Variants in FAM107B observed in about 807,000 individuals in gnomAD.
FAM107B encodes protein FAM107B.
Under a neutral mutation model 31.5 loss-of-function variants are expected in FAM107B, and 21 were observed. The ratio of observed to expected loss-of-function variants is 0.67; its 90% CI spans 0.47 to 0.96. FAM107B has a LOEUF of 0.96. FAM107B is among the 40% of genes least tolerant of loss of function. The probability of loss-of-function intolerance (pLI) is 0.00; values close to 1 mark genes in which losing one functional copy is unlikely to be tolerated. For synonymous variants in FAM107B, 157 were observed against 141.5 expected, an observed-to-expected ratio of 1.11 and a Z score of -0.78; for missense variants, 452 against 377.1, an observed-to-expected ratio of 1.20 and a Z score of -1.64.
chr10:14,648,064 C>CA (rs199512621), intron 2 of FAM107B, among the ~76,000 whole-genome samples: 68 of 144,316 alleles, frequency 4.7e-4, no homozygotes, highest in Admixed American at 6.2e-4. Flanking sequence ...AAAGACGTGC[C>CA]AAAAAAAAAA....
intron 2 of FAM107B, among the ~76,000 whole-genome samples, chr10:14,607,488 C>T (rs1852624292): frequency 6.6e-6 from 1 of 152,130 alleles, no homozygotes; most frequent in Non-Finnish European, 1.5e-5. Flanking sequence ...CATTTGTATC[C>T]ATACCATCCA....
rs1360831742 is a variant in FAM107B at position 14,526,812 on chromosome 10, ATCTC to A, written c.653+3516_653+3519del. ...GTAATCTTTGTAGAGCACAGAATCTATCTCTCTAAATAATATCAGAAATATTAAT... is the reference window on the plus strand; with the variant it reads ...GTAATCTTTGTAGAGCACAGAATCTATCTAAATAATATCAGAAATATTAAT... On this transcript the variant is annotated intron_variant, in intron 3 of 4. Coordinates refer to ENST00000181796, the MANE Select transcript of FAM107B (RefSeq NM_031453.4). 3.9e-5 allele frequency among the ~76,000 whole-genome samples: 6 copies of A among 152,022 alleles called. No individual in the cohort carries two copies. In the East Asian group the frequency reaches 1.2e-3, roughly 29 times the overall value.
intron 2 of FAM107B, among the ~76,000 whole-genome samples, chr10:14,550,682 T>C (rs921412021): frequency 1.3e-5 from 2 of 152,224 alleles, no homozygotes; most frequent in Non-Finnish European, 2.9e-5. Flanking sequence ...ATTTCTTTTG[T>C]TGTAACAGGA....
chr10:14,575,229 C>T (rs540979531), intron 2 of FAM107B, among the ~76,000 whole-genome samples: 29 of 150,544 alleles, frequency 1.9e-4, no homozygotes, highest in African/African-American at 6.8e-4. Context: ...TTTGAGATGG[C>T]GTCTCGCTCT....
chr10:14,633,714 A>G (rs1853425238), intron 2 of FAM107B, among the ~76,000 whole-genome samples: 1 of 152,122 alleles, frequency 6.6e-6, no homozygotes, highest in African/African-American at 2.4e-5. Context: ...TCCCTTATTA[A>G]CCCCCAAATC....
At chr10:14,561,107 T>C (rs993112939) in intron 2 of FAM107B, among the ~76,000 whole-genome samples, 3 of 152,226 alleles carry the variant, frequency 2.0e-5, no homozygotes, top group Admixed American at 2.0e-4. Flanking sequence ...CCATCTTGTG[T>C]AGAGTCACCC....
chr10:14,760,010 C>T (rs1160250465), intron 1 of FAM107B, among the ~76,000 whole-genome samples: 1 of 152,170 alleles, frequency 6.6e-6, no homozygotes, highest in African/African-American at 2.4e-5. Context: ...CCGTGCCTAG[C>T]CAAGCCTTCA....
intron 1 of FAM107B, chr10:14,723,267 T>A (rs772070196): frequency 1.3e-4 from 69 of 535,724 alleles, no homozygotes; most frequent in Non-Finnish European, 2.4e-4. Context: ...CAGTCTTCAG[T>A]AGGGAACTGC....
intron 1 of FAM107B, among the ~76,000 whole-genome samples, chr10:14,680,825 T>C (rs11259267): frequency 0.14 from 21,403 of 152,170 alleles, 1,841 homozygotes; most frequent in South Asian, 0.29. Context: ...CAAGACTTCA[T>C]TGGAGCCCAG....
In FAM107B at chr10:14,521,264, C is replaced by T. The variant is rs777027306; in HGVS notation, c.847G>A (p.Ala283Thr). 6.2e-7 allele frequency: 1 copy of T among 1,614,126 alleles called. No homozygotes were observed. Among genetic ancestry groups the T allele is most frequent in the Non-Finnish European group, 8.5e-7 (1 of 1,180,004 alleles). Residue 283 changes from alanine (A) to threonine (T), a missense_variant, in exon 5 of 5, where the codon GCC becomes ACC. Physicochemically the swap from Ala to Thr is moderately conservative, Grantham distance 58. Transcript: ENST00000181796. ...CCTTTCACCTTCACAAACTCGGGGG[C>T]ATTTTCTTGCTCTTCTTGCAATTTC... ...KQKLQEEQENAPEFVKVKGNL... is the reference protein window; with the variant it reads ...KQKLQEEQENTPEFVKVKGNL...
At chr10:14,574,794 A>G (rs2131284722) in intron 2 of FAM107B, among the ~76,000 whole-genome samples, 1 of 152,272 alleles carries the variant, frequency 6.6e-6, no homozygotes, top group South Asian at 2.1e-4. Context: ...CCCCAACACA[A>G]GTCATATATG....
At chr10:14,669,130 G>A (rs1438556387) in intron 1 of FAM107B, among the ~76,000 whole-genome samples, 1 of 152,114 alleles carries the variant, frequency 6.6e-6, no homozygotes, top group Admixed American at 6.5e-5. Context: ...CACTTTGGGA[G>A]GCCGAGGCGG....
chr10:14,674,014 G>A (rs1422113249), intron 1 of FAM107B, among the ~76,000 whole-genome samples: 12 of 151,404 alleles, frequency 7.9e-5, no homozygotes, highest in South Asian at 4.1e-4. Flanking sequence ...AGTTATTTGC[G>A]TTCCAAGTAT....
At chr10:14,527,169 T>C (rs926455688) in intron 3 of FAM107B, among the ~76,000 whole-genome samples, 1 of 149,752 alleles carries the variant, frequency 6.7e-6, no homozygotes, top group Non-Finnish European at 1.5e-5. Flanking sequence ...ATCCCTTCAA[T>C]AGTAATCTTT....
chr10:14,744,295 C>T (rs1564284290), intron 1 of FAM107B, among the ~76,000 whole-genome samples: 1 of 152,140 alleles, frequency 6.6e-6, no homozygotes, highest in Non-Finnish European at 1.5e-5. Context: ...CATCTGCAAA[C>T]AGAGACAGTT....
At chr10:14,674,411 T>A (rs1299075879) in intron 1 of FAM107B, among the ~76,000 whole-genome samples, 1 of 152,176 alleles carries the variant, frequency 6.6e-6, no homozygotes, top group Non-Finnish European at 1.5e-5. Context: ...CTTCTCAGCA[T>A]TGCTCCCTGG....
At chr10:14,548,628 C>A in intron 2 of FAM107B, 1 of 985,506 alleles carries the variant, frequency 1.0e-6, no homozygotes, top group Non-Finnish European at 1.2e-6. Context: ...GGAGGGCTCT[C>A]TCCAGCTGCG....
rs1564599729 is a variant in FAM107B at position 14,611,519 on chromosome 10, TA to T, written c.469+56114del. Reference sequence around the variant, plus strand: ...ATATATATATATATATATATATATATATATATATATTCACCTAACTTCTATT... The same window carrying T: ...ATATATATATATATATATATATATATTATATATATTCACCTAACTTCTATT... On this transcript the variant is annotated intron_variant, in intron 2 of 4. Coordinates refer to ENST00000181796, the MANE Select transcript of FAM107B (RefSeq NM_031453.4). Among the ~76,000 whole-genome samples the T allele has an allele frequency of 2.6e-3, 271 of 102,322 alleles. 2 individuals are homozygous for T. Among genetic ancestry groups the T allele is most frequent in the African/African-American group, 8.3e-3 (259 of 31,322 alleles). 67.1% of individuals were successfully genotyped at this position (102,322 alleles called of 152,430 possible).
intron 2 of FAM107B, among the ~76,000 whole-genome samples, chr10:14,547,685 C>T (rs1316272745): frequency 2.6e-5 from 4 of 152,132 alleles, no homozygotes; most frequent in Admixed American, 2.0e-4. Context: ...CTGTATTTCA[C>T]TTTTGAAATA....
Sources: allele counts gnomAD v4.1 joint callset (sites outside exome capture counted in the v4.1 genomes callset), GRCh38; gene constraint gnomAD v4.1.1; transcripts MANE v1.5; gene names NCBI Gene and HGNC (gene_info 2026-07-23, HGNC 2026-07-21).